Variants in KCNQ1 observed in about 807,000 individuals in gnomAD.
KCNQ1 encodes potassium voltage-gated channel subfamily Q member 1, also known as potassium voltage-gated channel subfamily KQT member 1.
KCNQ1 carries 49 observed loss-of-function variants against 72.4 expected under a neutral mutation model. That is an observed-to-expected ratio of 0.68 (90% CI 0.54 to 0.86). KCNQ1 has a LOEUF of 0.86. KCNQ1 is among the 40% of genes least tolerant of loss of function. The pLI, the probability that KCNQ1 is intolerant of heterozygous loss-of-function variation, is 0.00. For synonymous variants in KCNQ1, 450 were observed against 412.6 expected, an observed-to-expected ratio of 1.09 and a Z score of -1.10; for missense variants, 790 against 945.1, an observed-to-expected ratio of 0.84 and a Z score of 2.15.
rs1848810253 is a variant in KCNQ1, at chr11:2,601,669, A to G, written c.1393+12815A>G. ...TGCCACGTAAATGGAATCACACAATACACGATATCTTAGAAACGGGGTCTT... is the reference window on the plus strand; with the variant it reads ...TGCCACGTAAATGGAATCACACAATGCACGATATCTTAGAAACGGGGTCTT... On this transcript the variant is annotated intron_variant, in intron 10 of 15. Transcript: ENST00000155840. The surrounding 1 kb of genome is among the most constrained non-coding windows in gnomAD (Gnocchi z 5.2). Among the ~76,000 whole-genome samples the G allele has an allele frequency of 6.6e-6, 1 of 152,210 alleles. No homozygotes were observed. The highest frequency in any genetic ancestry group is 2.1e-4 in the South Asian group (1 of 4,834).
chr11:2,775,814 T>G, intron 12 of KCNQ1, 146 bp from the exon 13 acceptor site: 2 of 796,792 alleles, frequency 2.5e-6, no homozygotes, highest in Non-Finnish European at 4.2e-6. Flanking sequence ...TGTGCACGCT[T>G]GGAACCAGGC....
chr11:2,472,381 T>A (rs909078351), intron 1 of KCNQ1, among the ~76,000 whole-genome samples: 1 of 146,994 alleles, frequency 6.8e-6, no homozygotes, highest in Admixed American at 6.7e-5. Context: ...TCTGTATAGG[T>A]GTGTGTGTTT....
chr11:2,594,976 C>T (rs1848715406), intron 10 of KCNQ1, among the ~76,000 whole-genome samples: 1 of 152,036 alleles, frequency 6.6e-6, no homozygotes, highest in African/African-American at 2.4e-5. Flanking sequence ...TGTGGGGTTC[C>T]TATGTATCCT....
intron 10 of KCNQ1, chr11:2,660,049 G>T (rs1849923128): frequency 7.5e-6 from 3 of 398,252 alleles, no homozygotes; most frequent in African/African-American, 4.1e-5. Flanking sequence ...TTTTGATAAA[G>T]TCCAATTTGT....
chr11:2,560,457 G>C (rs1335398322), intron 2 of KCNQ1, among the ~76,000 whole-genome samples: 1 of 103,138 alleles, frequency 9.7e-6, no homozygotes, highest in Non-Finnish European at 2.0e-5. Flanking sequence ...CCATCCTGGG[G>C]GGACGGGGGG....
chr11:2,553,173 T>TTTG (rs1554891024), intron 2 of KCNQ1, among the ~76,000 whole-genome samples: 1 of 142,524 alleles, frequency 7.0e-6, no homozygotes, highest in African/African-American at 2.7e-5. Context: ...TTTTTTTTTT[T>TTTG]TTTGTTTTTT....
chr11:2,466,090 C>T lies in KCNQ1; in HGVS notation c.386+20606C>T, dbSNP rs553480889. ...TCCTAGCCGGGACCTGCCCATCCAC[C>T]CAGGGGGCTCAGGGACGTTTTTGAG... On this transcript the variant is annotated intron_variant, in intron 1 of 15. Coordinates refer to ENST00000155840, the MANE Select transcript of KCNQ1 (RefSeq NM_000218.3). Among the ~76,000 whole-genome samples the T allele has an allele frequency of 6.6e-5, 10 of 152,330 alleles. No homozygotes were observed. The East Asian group carries it at 1.9e-3, about 29-fold the overall frequency.
At position 2,827,505 on chromosome 11, in the gene KCNQ1, C is replaced by A. The variant is rs1057500274; in HGVS notation, c.1795-20262C>A. Reference sequence around the variant, plus strand: ...TACACAGAAGCGGCCCACGTCATCCCCCTTTCTGTCCACCCGCCGGAATGT... The same window carrying A: ...TACACAGAAGCGGCCCACGTCATCCACCTTTCTGTCCACCCGCCGGAATGT... On this transcript the variant is annotated intron_variant, in intron 15 of 15. Coordinates refer to ENST00000155840, the MANE Select transcript of KCNQ1 (RefSeq NM_000218.3). This position sits in a 1 kb window ranked among gnomAD's most constrained non-coding sequence, Gnocchi z 6.7. 1.3e-5 allele frequency among the ~76,000 whole-genome samples: 2 copies of A among 152,064 alleles called. No homozygotes were observed. Among genetic ancestry groups the A allele is most frequent in the African/African-American group, 4.8e-5 (2 of 41,416 alleles).
intron 11 of KCNQ1, among the ~76,000 whole-genome samples, chr11:2,749,552 G>A (rs1292576242): frequency 2.7e-5 from 4 of 150,368 alleles, no homozygotes; most frequent in African/African-American, 7.4e-5. Flanking sequence ...CCTCACGCCT[G>A]TAATCTCAGC....
At chr11:2,629,529 G>A (rs1418855938) in intron 10 of KCNQ1, 16 of 398,220 alleles carry the variant, frequency 4.0e-5, no homozygotes, top group Non-Finnish European at 6.2e-5. Flanking sequence ...TAAAGGTCTC[G>A]ACTTCATTCT....
intron 11 of KCNQ1, among the ~76,000 whole-genome samples, chr11:2,742,490 G>T (rs116164476): frequency 0.02 from 3,029 of 152,328 alleles, 100 homozygotes; most frequent in African/African-American, 0.069. Flanking sequence ...CACTCATGTG[G>T]TGGATTCATC....
chr11:2,499,669 C>A (rs979171196), intron 1 of KCNQ1, among the ~76,000 whole-genome samples: 1 of 151,736 alleles, frequency 6.6e-6, no homozygotes. Flanking sequence ...AGTAGCTATA[C>A]TTGTATTAGG....
chr11:2,550,051 C>G lies in KCNQ1; in HGVS notation c.478-20577C>G, dbSNP rs986562841. Among the ~76,000 whole-genome samples the G allele has an allele frequency of 5.3e-5, 8 of 152,188 alleles. No homozygotes were observed. Among genetic ancestry groups the G allele is most frequent in the Non-Finnish European group, 1.2e-4 (8 of 68,026 alleles). ...GAGGGACGGACCCCAGAACTGGACC[C>G]CAATGTGCAGGTCTGGGTGTGGATG... is the stretch of plus-strand genomic sequence containing the variant. On this transcript the variant is annotated intron_variant, in intron 2 of 15. Coordinates refer to ENST00000155840, the MANE Select transcript of KCNQ1 (RefSeq NM_000218.3). The surrounding 1 kb of genome is among the most constrained non-coding windows in gnomAD (Gnocchi z 6.0).
intron 15 of KCNQ1, among the ~76,000 whole-genome samples, chr11:2,786,285 T>C (rs1032446438): frequency 2.0e-5 from 3 of 152,196 alleles, no homozygotes; most frequent in Admixed American, 6.5e-5. Context: ...TGGCTTCCAC[T>C]GTTACCGTTG....
intron 2 of KCNQ1, among the ~76,000 whole-genome samples, chr11:2,540,433 G>C (rs1173676133): frequency 6.6e-6 from 1 of 152,238 alleles, no homozygotes; most frequent in African/African-American, 2.4e-5. Context: ...CCCCTGTTCA[G>C]GGCCAGGCCT....
intron 15 of KCNQ1, among the ~76,000 whole-genome samples, chr11:2,834,536 C>G (rs1435952088): frequency 6.6e-6 from 1 of 152,132 alleles, no homozygotes; most frequent in Non-Finnish European, 1.5e-5. Flanking sequence ...CCAGCTCCCC[C>G]AACACAGACA....
rs374432334 is a variant in KCNQ1, at chr11:2,463,913, C to A, written c.386+18429C>A. ...TGGATCAGGGGGAAGGTTCTCCCCA[C>A]GGTGTGAGGCAGCACCGAGGGCTCC... On this transcript the variant is annotated intron_variant, in intron 1 of 15. Transcript: ENST00000155840. The surrounding 1 kb of genome is among the most constrained non-coding windows in gnomAD (Gnocchi z 7.0). Among the ~76,000 whole-genome samples the A allele has an allele frequency of 1.5e-4, 23 of 152,318 alleles. No individual in the cohort carries two copies. Among genetic ancestry groups the A allele is most frequent in the African/African-American group, 5.1e-4 (21 of 41,574 alleles).
chr11:2,472,257 G>A (rs1322501912), intron 1 of KCNQ1, among the ~76,000 whole-genome samples: 1 of 151,514 alleles, frequency 6.6e-6, no homozygotes, highest in Non-Finnish European at 1.5e-5. Flanking sequence ...GCACCCATGT[G>A]TATAAGTGTA....
intron 11 of KCNQ1, chr11:2,667,329 G>A (rs928364762): frequency 2.0e-5 from 8 of 398,538 alleles, no homozygotes; most frequent in African/African-American, 1.2e-4. Flanking sequence ...GAAGAAAGCA[G>A]TGAGGCTTCT....
Sources: allele counts gnomAD v4.1 joint callset (sites outside exome capture counted in the v4.1 genomes callset), GRCh38; gene constraint gnomAD v4.1.1; non-coding constraint Gnocchi (gnomAD v3.1); transcripts MANE v1.5; gene names NCBI Gene and HGNC (gene_info 2026-07-23, HGNC 2026-07-21).